Variants in ST3GAL6 observed in about 807,000 individuals in gnomAD.
The protein encoded by ST3GAL6 is type 2 lactosamine alpha-2,3-sialyltransferase.
In ST3GAL6, 31 loss-of-function variants were observed where a neutral mutation model predicts 40.5. The observed-to-expected ratio is 0.77, with a 90% CI of 0.58 to 1.03. ST3GAL6 has a LOEUF of 1.03. ST3GAL6 is among the 50% of genes least tolerant of loss of function. The probability of loss-of-function intolerance (pLI) is 0.00; values close to 1 mark genes in which losing one functional copy is unlikely to be tolerated. For synonymous variants in ST3GAL6, 129 were observed against 136.9 expected (o/e 0.94, Z 0.40); for missense variants, 357 against 393.2 (o/e 0.91, Z 0.78).
chr3:98,748,847 A>G (rs1012307941), intron 1 of ST3GAL6, among the ~76,000 whole-genome samples: 13 of 152,118 alleles, frequency 8.5e-5, no homozygotes, highest in African/African-American at 3.1e-4. Context: ...CTCACCTCAG[A>G]ATCTTTGCAA....
At chr3:98,785,109 CTG>C (rs1402298772) in intron 6 of ST3GAL6, 69 bp downstream of exon 6, 1 of 1,103,038 alleles carries the variant, frequency 9.1e-7, no homozygotes, top group Non-Finnish European at 1.3e-6. Flanking sequence ...CTTAATACAG[CTG>C]TGTTTTGACA....
At chr3:98,777,731 T>A (rs181959494) in intron 5 of ST3GAL6, among the ~76,000 whole-genome samples, 32 of 151,216 alleles carry the variant, frequency 2.1e-4, no homozygotes, top group Admixed American at 1.6e-3. Flanking sequence ...GTTCAGTGCA[T>A]CTTTTTTATC....
intron 1 of ST3GAL6, among the ~76,000 whole-genome samples, chr3:98,736,760 C>T (rs1406564874): frequency 6.6e-6 from 1 of 152,054 alleles, no homozygotes; most frequent in Non-Finnish European, 1.5e-5. Flanking sequence ...TCTTACAGAG[C>T]TTATGTTTTA....
intron 7 of ST3GAL6, 51 bp downstream of exon 7, chr3:98,788,273 C>A: frequency 6.3e-7 from 1 of 1,584,604 alleles, no homozygotes; most frequent in Middle Eastern, 1.7e-4. Flanking sequence ...TGCTTTTTTT[C>A]CTTAAAAAAC....
rs752827276 is a variant in ST3GAL6 at position 98,756,375 on chromosome 3, C to T, written c.-11-12055C>T. 1.0e-5 allele frequency: 13 copies of T among 1,289,698 alleles called. No homozygotes were observed. In the South Asian group the frequency reaches 1.5e-4, roughly 15 times the overall value. 79.9% of individuals were successfully genotyped at this position (1,289,698 alleles called of 1,614,324 possible). On this transcript the variant is annotated intron_variant, in intron 1 of 9. Transcript: ENST00000265261. ...TCTTTATGTTTTATTTCAGCATTTG[C>T]AAGTGAGGAAGCAGCACAACCCTGG...
rs777032650 is a variant in ST3GAL6, at chr3:98,788,167, C to T, written c.563C>T (p.Ala188Val). 5 of 1,613,612 alleles carry T rather than the reference C, an allele frequency of 3.1e-6. No individual in the cohort carries two copies. Among genetic ancestry groups the T allele is most frequent in the Middle Eastern group, 1.7e-4 (1 of 6,058 alleles). The part of the protein sequence containing the change: ...NDPNTTVILT[A>V]FKPHDLRWLL... The stretch of plus-strand genomic sequence containing the variant: ...CCTAATACGACAGTGATTCTCACTG[C>T]TTTTAAGCCACATGATTTAAGGTGG... The change falls in exon 7 of 10, where the codon GCT becomes GTT. Residue 188 changes from alanine to valine, a missense_variant. By Grantham distance (64) the Ala-to-Val change is moderately conservative. Transcript: ENST00000483910.
intron 1 of ST3GAL6, 68 bp from the exon 2 acceptor site, chr3:98,768,362 A>G (rs3213958): frequency 0.11 from 114,504 of 1,084,494 alleles, 6,656 homozygotes; most frequent in Non-Finnish European, 0.12. Context: ...CTTATATTTG[A>G]GCCATTGTGA....
At chr3:98,755,727 T>C (rs1937367434) in intron 1 of ST3GAL6, among the ~76,000 whole-genome samples, 2 of 152,124 alleles carry the variant, frequency 1.3e-5, no homozygotes, top group Admixed American at 1.3e-4. Flanking sequence ...CTAAAGAGCA[T>C]GCATTTTGTG....
At chr3:98,739,978 G>A (rs1344656939) in intron 1 of ST3GAL6, among the ~76,000 whole-genome samples, 1 of 152,190 alleles carries the variant, frequency 6.6e-6, no homozygotes, top group Non-Finnish European at 1.5e-5. Flanking sequence ...GATCTTGTGA[G>A]ATAAAGGACA....
intron 1 of ST3GAL6, among the ~76,000 whole-genome samples, chr3:98,753,717 C>G (rs1455175656): frequency 6.6e-6 from 1 of 152,196 alleles, no homozygotes; most frequent in African/African-American, 2.4e-5. Flanking sequence ...GTAATCCCAG[C>G]ATTTGGGAGG....
intron 8 of ST3GAL6, among the ~76,000 whole-genome samples, chr3:98,790,244 G>C (rs753289861): frequency 5.3e-5 from 8 of 152,190 alleles, no homozygotes; most frequent in Non-Finnish European, 7.3e-5. Flanking sequence ...CACTGATGAT[G>C]AGGGGAGAAA....
intron 6 of ST3GAL6, among the ~76,000 whole-genome samples, chr3:98,787,379 C>G (rs1197891367): frequency 6.6e-6 from 1 of 152,110 alleles, no homozygotes; most frequent in Non-Finnish European, 1.5e-5. Flanking sequence ...GTTTTGGAAA[C>G]AAAGCATTTC....
In ST3GAL6 at chr3:98,788,095, G is replaced by T. The variant is rs781044899; in HGVS notation, c.491G>T (p.Arg164Leu). Residue 164 changes from arginine to leucine, a missense_variant, in exon 7 of 10, where the codon CGA becomes CTA. By Grantham distance (102) the Arg-to-Leu change is moderately radical. Transcript: ENST00000483910. ...EEEVGRRTTF[R>L]LFYPESVFSD... ...GAAGTTGGGAGAAGGACAACCTTCC[G>T]ACTTTTTTATCCAGAATCTGTTTTT... 4.3e-6 allele frequency: 7 copies of T among 1,613,824 alleles called. No individual in the cohort carries two copies. The African/African-American group carries it at 8.0e-5, about 18-fold the overall frequency.
intron 1 of ST3GAL6, among the ~76,000 whole-genome samples, chr3:98,750,292 G>C (rs1053166846): frequency 3.9e-5 from 6 of 152,168 alleles, no homozygotes; most frequent in African/African-American, 1.4e-4. Flanking sequence ...TTAATTACTG[G>C]TTGGGGTATG....
chr3:98,768,448 G>T lies in ST3GAL6; in HGVS notation c.8G>T (p.Gly3Val). Residue 3 changes from glycine to valine, a missense_variant, in exon 2 of 10, where the codon GGG becomes GTG. Coordinates refer to ENST00000483910, the MANE Select transcript of ST3GAL6 (RefSeq NM_001323368.2). ...GTTTCAGGTGAGCCAGCCATGAGAG[G>T]GTATCTTGTGGCCATATTCCTGAGT... MR[G>V]YLVAIFLSAV... 5 of 1,613,564 alleles carry T rather than the reference G, an allele frequency of 3.1e-6. No homozygotes were observed. Among genetic ancestry groups the T allele is most frequent in the Non-Finnish European group, 3.4e-6 (4 of 1,179,632 alleles).
In ST3GAL6 at chr3:98,771,602, T is replaced by C. The variant is rs574244089; in HGVS notation, c.167+646T>C. On this transcript the variant is annotated intron_variant, in intron 3 of 9. Coordinates refer to ENST00000483910, the MANE Select transcript of ST3GAL6 (RefSeq NM_001323368.2). ...GGCACAATCTGTTCAGCATTTTTTC[T>C]ATGAAGCATTAAAAATTCATTTTTT... Among the ~76,000 whole-genome samples, 18 of 152,374 alleles carry C rather than the reference T, an allele frequency of 1.2e-4. 1 individual carries two copies. The highest frequency in any genetic ancestry group is 4.3e-4 in the African/African-American group (18 of 41,580).
intron 1 of ST3GAL6, among the ~76,000 whole-genome samples, chr3:98,743,894 GC>G (rs1178005170): frequency 4.0e-5 from 6 of 148,832 alleles, no homozygotes; most frequent in Non-Finnish European, 5.9e-5. Context: ...GTTCAGTTGT[GC>G]CCCCCTCCCC....
In ST3GAL6 at chr3:98,779,253, C is replaced by A. The variant is rs147641201; in HGVS notation, c.335+5270C>A. On this transcript the variant is annotated intron_variant, in intron 5 of 9. Coordinates refer to ENST00000483910, the MANE Select transcript of ST3GAL6 (RefSeq NM_001323368.2). ...GATTCTTTTGGCAGCAGCAAAATCT[C>A]TTCCAAAAGCATCTAATAGACTTCC... Among the ~76,000 whole-genome samples the A allele has an allele frequency of 1.3e-3, 199 of 152,358 alleles. No homozygotes were observed. In the East Asian group the frequency reaches 0.022, roughly 17 times the overall value.
chr3:98,749,650 T>C (rs1936834352), intron 1 of ST3GAL6, among the ~76,000 whole-genome samples: 1 of 152,246 alleles, frequency 6.6e-6, no homozygotes, highest in Non-Finnish European at 1.5e-5. Flanking sequence ...TTTATAACTT[T>C]TAAGCAAACT....
Sources: gnomAD v4.1 joint callset for allele counts (sites outside exome capture counted in the v4.1 genomes callset) on GRCh38, gnomAD v4.1.1 for gene constraint, MANE v1.5 for transcripts, NCBI Gene and HGNC (gene_info 2026-07-23, HGNC 2026-07-21) for gene names.